Variants in PHB2 observed in about 807,000 individuals in gnomAD.
PHB2 encodes prohibitin-2.
Under a neutral mutation model 46.4 loss-of-function variants are expected in PHB2, and 22 were observed. The ratio of observed to expected loss-of-function variants is 0.47; its 90% CI spans 0.34 to 0.68. The LOEUF (loss-of-function observed/expected upper bound fraction) is 0.68. Ranked by LOEUF, PHB2 falls within the 30% of genes least tolerant of loss-of-function variation. The pLI is 0.01. For missense variants in PHB2, 305 were observed against 382.8 expected (o/e 0.80, Z 1.70); for synonymous variants, 156 against 150.5 (o/e 1.04, Z -0.27).
chr12:6,967,305 C>CTCCAGGAGTGTCCCTGG lies in PHB2; in HGVS notation c.712-58_712-57insCCAGGGACACTCCTGGA, dbSNP rs1946230313. On this transcript the variant is annotated intron_variant, in intron 6 of 9. Coordinates refer to ENST00000535923, the MANE Select transcript of PHB2 (RefSeq NM_001144831.2). The surrounding 1 kb of genome is among the most constrained non-coding windows in gnomAD (Gnocchi z 4.9). Reference sequence around the variant, plus strand: ...GTCTCAATCCCTGGCCCTGTCCTTACCACACTCCCTTGCTCCAGTCCTCCT... The same window carrying CTCCAGGAGTGTCCCTGG: ...GTCTCAATCCCTGGCCCTGTCCTTACTCCAGGAGTGTCCCTGGCACACTCCCTTGCTCCAGTCCTCCT... 1 of 1,611,608 alleles carries CTCCAGGAGTGTCCCTGG rather than the reference C, an allele frequency of 6.2e-7. No individual in the cohort carries two copies. The highest frequency in any genetic ancestry group is 8.5e-7 in the Non-Finnish European group (1 of 1,178,206).
chr12:6,967,723 G>A lies in PHB2; in HGVS notation c.664C>T (p.Arg222Trp). ...CCCTCGGCCTGCACAATTTTCTGCC[G>A]CTGTTCCTGCTTTGCTTTTTCTACC... ...FLVEKAKQEQ[R>W]QKIVQAEGEA... The change falls in exon 6 of 10, where the codon CGG (arginine) becomes TGG (tryptophan). Residue 222 changes from arginine (R) to tryptophan (W), a missense_variant. This residue lies in a region of PHB2 where 241 missense variants were observed against 302.7 expected (regional missense o/e 0.80). Transcript: ENST00000535923. This position sits in a 1 kb window ranked among gnomAD's most constrained non-coding sequence, Gnocchi z 4.9. 1 of 1,613,884 alleles carries A rather than the reference G, an allele frequency of 6.2e-7. No individual in the cohort carries two copies. Among genetic ancestry groups the A allele is most frequent in the African/African-American group, 1.3e-5 (1 of 75,052 alleles).
In PHB2 at chr12:6,970,660, G is replaced by GA; in HGVS notation, c.-118dup. ...GAGGGTTCGGGCCCGTAAGGCTGGC[G>GA]AAAGAAAGGGCAGCGGAAGTGCGCT... On this transcript the variant is annotated 5_prime_UTR_variant, in exon 1 of 10. Coordinates refer to ENST00000535923, the MANE Select transcript of PHB2 (RefSeq NM_001144831.2). 1 of 1,269,878 alleles carries GA rather than the reference G, an allele frequency of 7.9e-7. No individual in the cohort carries two copies. Among genetic ancestry groups the GA allele is most frequent in the South Asian group, 1.5e-5 (1 of 68,934 alleles). 78.7% of individuals were successfully genotyped at this position (1,269,878 alleles called of 1,614,324 possible).
At chr12:6,966,945 C>T (rs1309595337) in intron 7 of PHB2, among the ~76,000 whole-genome samples, 2 of 152,174 alleles carry the variant, frequency 1.3e-5, no homozygotes, top group African/African-American at 4.8e-5. Flanking sequence ...GATGGGGTTT[C>T]ACCATGTTGG....
chr12:6,967,318 C>A lies in PHB2; in HGVS notation c.712-70G>T, dbSNP rs781830319. ...GCCCTGTCCTTACCACACTCCCTTGCTCCAGTCCTCCTCTGGGCTGTCAGA... is the reference window on the plus strand; with the variant it reads ...GCCCTGTCCTTACCACACTCCCTTGATCCAGTCCTCCTCTGGGCTGTCAGA... On this transcript the variant is annotated intron_variant, in intron 6 of 9. Coordinates refer to ENST00000535923, the MANE Select transcript of PHB2 (RefSeq NM_001144831.2). This position sits in a 1 kb window ranked among gnomAD's most constrained non-coding sequence, Gnocchi z 4.9. 5 of 1,611,568 alleles carry A rather than the reference C, an allele frequency of 3.1e-6. No homozygotes were observed. The highest frequency in any genetic ancestry group is 4.2e-6 in the Non-Finnish European group (5 of 1,178,326).
Position 6,970,599 on chromosome 12 carries a change from T to C in PHB2, c.-56A>G. 1 of 1,547,878 alleles carries C rather than the reference T, an allele frequency of 6.5e-7. No individual in the cohort carries two copies. Among genetic ancestry groups the C allele is most frequent in the South Asian group, 1.2e-5 (1 of 81,844 alleles). ...TCAGAAGGGGGTGCCGGCCCGCCTCTACCCCGCTCCGGCTTAGGTACTGCA... is the reference window on the plus strand; with the variant it reads ...TCAGAAGGGGGTGCCGGCCCGCCTCCACCCCGCTCCGGCTTAGGTACTGCA... On this transcript the variant is annotated 5_prime_UTR_variant, in exon 1 of 10. Coordinates refer to ENST00000535923, the MANE Select transcript of PHB2 (RefSeq NM_001144831.2).
chr12:6,968,623 C>G lies in PHB2; in HGVS notation c.293-28G>C, dbSNP rs1555151335. The G allele has an allele frequency of 1.9e-6, 3 of 1,577,422 alleles. No individual in the cohort carries two copies. The East Asian group carries it at 6.7e-5, about 35-fold the overall frequency. ...GAGATTGAGGTCAGCAGTGGCTGGTCAAGGCCAAACACCCTTTCCCAAGCA... is the reference window on the plus strand; with the variant it reads ...GAGATTGAGGTCAGCAGTGGCTGGTGAAGGCCAAACACCCTTTCCCAAGCA... On this transcript the variant is annotated intron_variant, in intron 3 of 9. Transcript: ENST00000535923.
Position 6,965,698 on chromosome 12 carries a change from T to C in PHB2, c.887A>G (p.Lys296Arg). 6.2e-7 allele frequency: 1 copy of C among 1,612,160 alleles called. No homozygotes were observed. Residue 296 changes from lysine to arginine, a missense_variant, in exon 10 of 10, where the codon AAG becomes AGG. By Grantham distance (26) the Lys-to-Arg change is conservative. This residue lies in a region of PHB2 where 241 missense variants were observed against 302.7 expected (regional missense o/e 0.80). Transcript: ENST00000535923. ...SFTRGSDSLIKGKK is the reference protein window; with the variant it reads ...SFTRGSDSLIRGKK ...TGGTGACTAGGCTCATTTCTTACCC[T>C]TGATGAGGCTGTCACTGTAGGAAAA... is the stretch of plus-strand genomic sequence containing the variant.
intron 9 of PHB2, 55 bp from the exon 10 acceptor site, chr12:6,965,767 G>T: frequency 6.4e-7 from 1 of 1,562,272 alleles, no homozygotes; most frequent in Non-Finnish European, 8.8e-7. Flanking sequence ...AATGTGAGAG[G>T]CAGGACACTC....
chr12:6,966,052 A>G, intron 8 of PHB2, 136 bp from the exon 9 acceptor site: 1 of 913,686 alleles, frequency 1.1e-6, no homozygotes, highest in Non-Finnish European at 1.7e-6. Context: ...GACAGCCAGG[A>G]ATCTCAGGCT....
chr12:6,969,951 C>T (rs1555151695), intron 2 of PHB2: 2 of 694,202 alleles, frequency 2.9e-6, no homozygotes, highest in East Asian at 5.5e-5. Context: ...CCGGTTTCCC[C>T]TCACCACGCG....
At chr12:6,968,712 G>C (rs147727228) in intron 3 of PHB2, 117 bp from the exon 4 acceptor site, 4 of 802,284 alleles carry the variant, frequency 5.0e-6, no homozygotes, top group East Asian at 5.3e-5. Flanking sequence ...CACTACCCTG[G>C]GGGGAGGAGA....
At position 6,970,229 on chromosome 12, in the gene PHB2, T is replaced by G. The variant is rs782789706; in HGVS notation, c.179A>C (p.Gln60Pro). 4 of 1,613,854 alleles carry G rather than the reference T, an allele frequency of 2.5e-6. No individual in the cohort carries two copies. The highest frequency in any genetic ancestry group is 3.4e-6 in the Non-Finnish European group (4 of 1,179,842). Residue 60 changes from glutamine (Q) to proline (P), a missense_variant, in exon 2 of 10, where the codon CAG becomes CCG. Around this residue, in one of 3 missense-constraint regions of PHB2, gnomAD observed 241 missense variants for 302.7 expected, o/e 0.80. Transcript: ENST00000535923. The part of the protein sequence containing the change: ...IFFNRIGGVQ[Q>P]DTILAEGLHF... ...AAGGCCCTCGGCCAGGATAGTGTCCTGCTGCACTCCACCGATCCGATTGAA... is the reference window on the plus strand; with the variant it reads ...AAGGCCCTCGGCCAGGATAGTGTCCGGCTGCACTCCACCGATCCGATTGAA...
intron 8 of PHB2, among the ~76,000 whole-genome samples, chr12:6,966,201 G>A (rs1946209058): frequency 6.6e-6 from 1 of 152,168 alleles, no homozygotes; most frequent in South Asian, 2.1e-4. Context: ...TTGGTTAGAT[G>A]AAAACTTTAT....
chr12:6,970,438 C>G lies in PHB2; in HGVS notation c.106G>C (p.Val36Leu), dbSNP rs1555151906. The change falls in exon 1 of 10, where the codon GTG becomes CTG. Residue 36 changes from valine to leucine, a missense_variant. Val to Leu is a conservative substitution (Grantham distance 32). Around this residue, in one of 3 missense-constraint regions of PHB2, gnomAD observed 60 missense variants for 61.0 expected, o/e 0.98. Transcript: ENST00000535923. ...LLGAGAVAYG[V>L]RESVFTVEGG... ...TCACCGGTGAACACAGATTCGCGCA[C>G]ACCGTAGGCCACGGCGCCGGCCCCC... 1 of 1,603,986 alleles carries G rather than the reference C, an allele frequency of 6.2e-7. No homozygotes were observed.
Position 6,965,777 on chromosome 12 carries a change from C to G in PHB2, c.873-65G>C, listed in dbSNP as rs1946202141. On this transcript the variant is annotated intron_variant, in intron 9 of 9. Coordinates refer to ENST00000535923, the MANE Select transcript of PHB2 (RefSeq NM_001144831.2). ...ACATAAATGTGAGAGGCAGGACACTCTAGGCCATTCCCTCTACGACCCTCC... is the reference window on the plus strand; with the variant it reads ...ACATAAATGTGAGAGGCAGGACACTGTAGGCCATTCCCTCTACGACCCTCC... 6 of 1,552,866 alleles carry G rather than the reference C, an allele frequency of 3.9e-6. No homozygotes were observed. The Admixed American group carries it at 1.0e-4, about 27-fold the overall frequency.
At chr12:6,970,100 A>T in intron 2 of PHB2, 96 bp downstream of exon 2, 2 of 922,612 alleles carry the variant, frequency 2.2e-6, no homozygotes, top group South Asian at 2.6e-5. Flanking sequence ...GTGGGAAAAG[A>T]GCAGCGTTGA....
intron 2 of PHB2, chr12:6,969,823 C>T (rs1429502461): frequency 7.9e-6 from 4 of 503,886 alleles, no homozygotes; most frequent in Non-Finnish European, 1.4e-5. Flanking sequence ...CGCTTGAAAT[C>T]AGGAGGCGGA....
chr12:6,965,844 G>A lies in PHB2; in HGVS notation c.872+67C>T, dbSNP rs927787657. 4.4e-6 allele frequency: 7 copies of A among 1,588,120 alleles called. No individual in the cohort carries two copies. In the African/African-American group the frequency reaches 9.4e-5, roughly 21 times the overall value. ...TTGTCTTCGGGGAGGTGGGAAAGGG[G>A]GTAGGGTAGGAGGCGGGTACTGGAG... On this transcript the variant is annotated intron_variant, in intron 9 of 9. Transcript: ENST00000535923.
chr12:6,970,370 T>C lies in PHB2; in HGVS notation c.127+47A>G, dbSNP rs781916291. ...GGGCGCGGGGACAGGGCAAGGGGTTTGGGGGAGGGACTGGAAGCGTCCGGC... is the reference window on the plus strand; with the variant it reads ...GGGCGCGGGGACAGGGCAAGGGGTTCGGGGGAGGGACTGGAAGCGTCCGGC... On this transcript the variant is annotated intron_variant, in intron 1 of 9. Transcript: ENST00000535923. 2.7e-5 allele frequency: 44 copies of C among 1,604,272 alleles called. No homozygotes were observed. In the South Asian group the frequency reaches 4.5e-4, roughly 16 times the overall value.
Sources: gnomAD v4.1 joint callset for allele counts (sites outside exome capture counted in the v4.1 genomes callset) on GRCh38, gnomAD v4.1.1 for gene constraint, gnomAD v4.1.1 regional missense constraint, Gnocchi (gnomAD v3.1) non-coding constraint, MANE v1.5 for transcripts, NCBI Gene and HGNC (gene_info 2026-07-23, HGNC 2026-07-21) for gene names.